The following UNC13C variants were observed in gnomAD, a reference collection of about 807,000 sequenced individuals.
The protein encoded by UNC13C is unc-13 homolog C.
A neutral mutation model predicts 245.4 loss-of-function variants in UNC13C; 174 were observed. The ratio of observed to expected loss-of-function variants is 0.71; its 90% CI spans 0.63 to 0.80. UNC13C has a LOEUF of 0.80. Ranked by LOEUF, UNC13C falls within the 30% of genes least tolerant of loss-of-function variation. The pLI, the probability that UNC13C is intolerant of heterozygous loss-of-function variation, is 0.00. For missense variants in UNC13C, 2,829 were observed against 2,602.9 expected (o/e 1.09, Z -1.89); for synonymous variants, 992 against 895.1 (o/e 1.11, Z -1.93).
At chr15:54,215,164 A>G (rs2140762050) in intron 4 of UNC13C, among the ~76,000 whole-genome samples, 1 of 144,782 alleles carries the variant, frequency 6.9e-6, no homozygotes, top group Admixed American at 7.0e-5. Flanking sequence ...CCTAGAAGGT[A>G]CATATTGTAA....
chr15:54,331,950 T>G, intron 14 of UNC13C, 93 bp from the exon 15 acceptor site: 1 of 758,600 alleles, frequency 1.3e-6, no homozygotes, highest in Non-Finnish European at 2.0e-6. Context: ...GATCCTTCCT[T>G]TCTATAAAAT....
chr15:54,269,016 T>A (rs1318326373), intron 10 of UNC13C, among the ~76,000 whole-genome samples: 1 of 151,546 alleles, frequency 6.6e-6, no homozygotes, highest in East Asian at 1.9e-4. Flanking sequence ...AAGAGTCTAA[T>A]GGACTCTACC....
chr15:54,179,166 C>T (rs1406215877), intron 4 of UNC13C, among the ~76,000 whole-genome samples: 3 of 151,994 alleles, frequency 2.0e-5, no homozygotes, highest in Non-Finnish European at 4.4e-5. Flanking sequence ...TTACAGAATT[C>T]AACAGGAACC....
intron 30 of UNC13C, among the ~76,000 whole-genome samples, chr15:54,568,328 A>G (rs1262761374): frequency 2.0e-5 from 3 of 152,088 alleles, no homozygotes; most frequent in African/African-American, 4.8e-5. Context: ...AATGATAATA[A>G]TTCCCTAAAT....
At chr15:53,989,741 A>G (rs752561387) in intron 1 of UNC13C, among the ~76,000 whole-genome samples, 3 of 152,010 alleles carry the variant, frequency 2.0e-5, no homozygotes, top group Non-Finnish European at 2.9e-5. Flanking sequence ...TGTTTTTGAA[A>G]GTATGAACTT....
the UNC13C span, among the ~76,000 whole-genome samples, chr15:53,841,942 T>A: frequency 8.3e-4 from 127 of 152,304 alleles, no homozygotes; most frequent in African/African-American, 2.9e-3. Flanking sequence ...ATAGGAAGAA[T>A]TTCTGGGTCA....
At chr15:54,031,337 C>A (rs1191988090) in intron 2 of UNC13C, among the ~76,000 whole-genome samples, 1 of 152,208 alleles carries the variant, frequency 6.6e-6, no homozygotes, top group African/African-American at 2.4e-5. Context: ...CATTCTCCTG[C>A]CTCAGCCTCC....
chr15:54,461,877 AAAG>A (rs1219596466), intron 19 of UNC13C, among the ~76,000 whole-genome samples: 3 of 152,202 alleles, frequency 2.0e-5, no homozygotes, highest in East Asian at 1.9e-4. Context: ...GTTTGAAGAA[AAAG>A]AAGAATACTG....
intron 1 of UNC13C, among the ~76,000 whole-genome samples, chr15:53,995,348 T>C (rs1481379053): frequency 6.6e-6 from 1 of 151,890 alleles, no homozygotes; most frequent in Non-Finnish European, 1.5e-5. Context: ...CAGATAAAAC[T>C]CTCATTAGCC....
At chr15:54,020,687 A>T (rs1319819251) in intron 2 of UNC13C, among the ~76,000 whole-genome samples, 1 of 152,200 alleles carries the variant, frequency 6.6e-6, no homozygotes, top group Non-Finnish European at 1.5e-5. Flanking sequence ...ATATGAAAAT[A>T]GAGCAATAAA....
chr15:54,189,589 G>A (rs1211229728), intron 4 of UNC13C, among the ~76,000 whole-genome samples: 1 of 152,028 alleles, frequency 6.6e-6, no homozygotes, highest in Non-Finnish European at 1.5e-5. Context: ...TAGATATTTC[G>A]GGAAAATGGA....
the UNC13C span, among the ~76,000 whole-genome samples, chr15:53,933,941 C>T: frequency 6.6e-6 from 1 of 152,148 alleles, no homozygotes; most frequent in East Asian, 1.9e-4. Context: ...TTTTAATTGG[C>T]TCATGGTTCT....
At chr15:53,980,152 AAAGTAAATCACCACC>A (rs1316307609) in intron 1 of UNC13C, among the ~76,000 whole-genome samples, 1 of 152,180 alleles carries the variant, frequency 6.6e-6, no homozygotes. Context: ...TGCATACTGT[AAAGTAAATCACCACC>A]CTGCTCTTTG....
At position 53,978,716 on chromosome 15, in the gene UNC13C, C is replaced by CG. The variant is rs1403783705; in HGVS notation, c.-467dup. Among the ~76,000 whole-genome samples, 2 of 152,134 alleles carry CG rather than the reference C, an allele frequency of 1.3e-5. No homozygotes were observed. Among genetic ancestry groups the CG allele is most frequent in the Non-Finnish European group, 2.9e-5 (2 of 68,006 alleles). On this transcript the variant is annotated 5_prime_UTR_variant, in exon 1 of 33. Coordinates refer to ENST00000260323, the MANE Select transcript of UNC13C (RefSeq NM_001080534.3). ...GAATTGACAAGAAAAGAACAGACACCGTTGCAGACCAAGGCATGCCTGATT... is the reference window on the plus strand; with the variant it reads ...GAATTGACAAGAAAAGAACAGACACCGGTTGCAGACCAAGGCATGCCTGATT...
rs61637644 is a variant in UNC13C, at chr15:54,023,415, C to T, written c.2983+7529C>T. 2.6e-5 allele frequency among the ~76,000 whole-genome samples: 4 copies of T among 152,290 alleles called. No homozygotes were observed. In the East Asian group the frequency reaches 7.7e-4, roughly 29 times the overall value. ...AATTTTGTGTTAGCAAATGTAGTTA[C>T]ATACTGAGCTCTCTTAATAAAAGGT... On this transcript the variant is annotated intron_variant, in intron 2 of 32. Transcript: ENST00000260323.
At chr15:54,631,859 T>A (rs911219230), downstream of UNC13C, 3 of 152,108 alleles carry the variant, frequency 2.0e-5, no homozygotes, top group East Asian at 1.9e-4. Flanking sequence ...TCTATTAGAG[T>A]GTGATTTCTA....
intron 10 of UNC13C, among the ~76,000 whole-genome samples, chr15:54,280,812 A>T (rs901072698): frequency 5.3e-5 from 8 of 150,182 alleles, no homozygotes; most frequent in Admixed American, 4.7e-4. Flanking sequence ...TTTTTAAAAA[A>T]ATTGTGACAG....
chr15:53,951,494 T>C, the UNC13C span, among the ~76,000 whole-genome samples: 3 of 152,232 alleles, frequency 2.0e-5, no homozygotes, highest in Non-Finnish European at 2.9e-5. Context: ...CCCCTTTCAC[T>C]CTCAAAAGTG....
At chr15:54,129,542 A>G (rs931028176) in intron 2 of UNC13C, among the ~76,000 whole-genome samples, 1 of 151,968 alleles carries the variant, frequency 6.6e-6, no homozygotes, top group East Asian at 1.9e-4. Flanking sequence ...TACTGATTCA[A>G]TTTCTTTAAT....
Sources: gnomAD v4.1 joint callset for allele counts (sites outside exome capture counted in the v4.1 genomes callset) on GRCh38, gnomAD v4.1.1 for gene constraint, MANE v1.5 for transcripts, NCBI Gene and HGNC (gene_info 2026-07-23, HGNC 2026-07-21) for gene names.